Variants in ARB2A observed in about 807,000 individuals in gnomAD.
ARB2A encodes the protein ARB2 cotranscriptional regulator A, also known as cotranscriptional regulator ARB2A.
the ARB2A span, among the ~76,000 whole-genome samples, chr5:94,092,350 T>C: frequency 3.9e-5 from 6 of 152,254 alleles, no homozygotes; most frequent in Admixed American, 2.6e-4. Flanking sequence ...TTACCATCTA[T>C]GTACATATCC....
the ARB2A span, among the ~76,000 whole-genome samples, chr5:93,649,727 T>C: frequency 2.6e-5 from 4 of 152,346 alleles, no homozygotes; most frequent in East Asian, 3.9e-4. Context: ...ACAGATGGTT[T>C]AGACTTGGTA....
chr5:93,634,722 T>C, the ARB2A span, among the ~76,000 whole-genome samples: 7 of 152,218 alleles, frequency 4.6e-5, no homozygotes, highest in Admixed American at 1.3e-4. Flanking sequence ...GGCCGAACTT[T>C]AAATGCAGAT....
the ARB2A span, among the ~76,000 whole-genome samples, chr5:93,791,218 C>G: frequency 1.3e-5 from 2 of 152,288 alleles, no homozygotes; most frequent in South Asian, 2.1e-4. Flanking sequence ...ACTATAGATT[C>G]CAGTTTGCCC....
At chr5:93,917,256 T>C in the ARB2A span, among the ~76,000 whole-genome samples, 1 of 152,168 alleles carries the variant, frequency 6.6e-6, no homozygotes, top group Non-Finnish European at 1.5e-5. Flanking sequence ...TACAGTGCAG[T>C]ACAGTTCATC....
chr5:93,956,743 A>T, the ARB2A span, among the ~76,000 whole-genome samples: 1 of 151,938 alleles, frequency 6.6e-6, no homozygotes, highest in Non-Finnish European at 1.5e-5. Flanking sequence ...CTCTGCCTGC[A>T]TCTTAAAATA....
the ARB2A span, among the ~76,000 whole-genome samples, chr5:94,012,288 G>A: frequency 1.3e-5 from 2 of 152,280 alleles, no homozygotes; most frequent in South Asian, 2.1e-4. Context: ...TGTAGTCCCA[G>A]CTACTTGGGA....
the ARB2A span, among the ~76,000 whole-genome samples, chr5:93,803,259 C>T: frequency 6.6e-6 from 1 of 152,026 alleles, no homozygotes; most frequent in Non-Finnish European, 1.5e-5. Flanking sequence ...CAGACAAAAA[C>T]ATTATACATA....
the ARB2A span, among the ~76,000 whole-genome samples, chr5:93,838,466 C>G: frequency 6.6e-6 from 1 of 151,996 alleles, no homozygotes; most frequent in African/African-American, 2.4e-5. Context: ...CTTATGAGTG[C>G]CTTGGCTATT....
chr5:93,741,231 C>A, the ARB2A span: 8 of 1,613,772 alleles, frequency 5.0e-6, no homozygotes. Flanking sequence ...GCGGCAACTT[C>A]GGAATGCTCC....
the ARB2A span, among the ~76,000 whole-genome samples, chr5:93,892,262 A>C: frequency 6.6e-6 from 1 of 152,324 alleles, no homozygotes; most frequent in Admixed American, 6.5e-5. Flanking sequence ...AATTATACAC[A>C]GGGAACTGCT....
the ARB2A span, among the ~76,000 whole-genome samples, chr5:94,084,512 C>T: frequency 1.1e-4 from 16 of 152,058 alleles, no homozygotes; most frequent in Admixed American, 2.6e-4. Flanking sequence ...TCTACTCAAA[C>T]CCCAAAATGT....
the ARB2A span, among the ~76,000 whole-genome samples, chr5:93,852,854 G>A: frequency 2.6e-5 from 4 of 152,174 alleles, no homozygotes; most frequent in Non-Finnish European, 5.9e-5. Context: ...TTTGGTTACT[G>A]TAGCCTTGTA....
the ARB2A span, among the ~76,000 whole-genome samples, chr5:94,027,221 T>C: frequency 1.3e-4 from 20 of 152,288 alleles, no homozygotes; most frequent in Admixed American, 3.3e-4. Context: ...TTGTGAACTA[T>C]ATATTTGGTC....
At chr5:94,009,177 A>C in the ARB2A span, among the ~76,000 whole-genome samples, 8 of 152,080 alleles carry the variant, frequency 5.3e-5, no homozygotes, top group African/African-American at 1.7e-4. Context: ...TCACATTCAA[A>C]CACTTTGGCC....
chr5:93,779,247 T>A, the ARB2A span, among the ~76,000 whole-genome samples: 858 of 152,306 alleles, frequency 5.6e-3, 6 homozygotes, highest in Middle Eastern at 0.027. Context: ...AATAAACATA[T>A]GCAAAGAAAG....
chr5:93,755,588 C>A, the ARB2A span, among the ~76,000 whole-genome samples: 1 of 152,216 alleles, frequency 6.6e-6, no homozygotes, highest in African/African-American at 2.4e-5. Context: ...AAAGGGAGAG[C>A]CTCCACTCCC....
chr5:93,824,382 C>A, the ARB2A span: 1 of 584,198 alleles, frequency 1.7e-6, no homozygotes, highest in Non-Finnish European at 2.7e-6. Flanking sequence ...GGTTATAGCT[C>A]ATTCAAAATA....
At chr5:93,779,563 C>T in the ARB2A span, among the ~76,000 whole-genome samples, 12 of 152,204 alleles carry the variant, frequency 7.9e-5, no homozygotes, top group African/African-American at 2.6e-4. Context: ...CCTGAATAGG[C>T]AACAAGGTAT....
the ARB2A span, among the ~76,000 whole-genome samples, chr5:94,049,463 C>T: frequency 1.3e-5 from 2 of 151,972 alleles, no homozygotes; most frequent in Admixed American, 6.6e-5. Flanking sequence ...TCTGGGAGGC[C>T]GAGGCAGGCG....
Sources: allele counts gnomAD v4.1 joint callset (sites outside exome capture counted in the v4.1 genomes callset), GRCh38; gene constraint gnomAD v4.1.1; transcripts MANE v1.5; gene names NCBI Gene and HGNC (gene_info 2026-07-23, HGNC 2026-07-21).